Variants in ABCA13 observed in about 807,000 individuals in gnomAD.
ABCA13 encodes ATP-binding cassette sub-family A member 13.
Under a neutral mutation model 478.7 loss-of-function variants are expected in ABCA13, and 476 were observed. The observed-to-expected ratio is 0.99, with a 90% CI of 0.92 to 1.07. ABCA13 has a LOEUF of 1.07. Ranked by LOEUF, ABCA13 falls within the 50% of genes least tolerant of loss-of-function variation. The probability of loss-of-function intolerance (pLI) is 0.00; values close to 1 mark genes in which losing one functional copy is unlikely to be tolerated. For synonymous variants in ABCA13, 2,252 were observed against 2,158.9 expected (o/e 1.04, Z -1.20); for missense variants, 6,060 against 5,910.6 (o/e 1.03, Z -0.83).
intron 35 of ABCA13, among the ~76,000 whole-genome samples, chr7:48,379,630 C>T (rs1246817410): frequency 6.6e-6 from 1 of 150,572 alleles, no homozygotes; most frequent in Non-Finnish European, 1.5e-5. Flanking sequence ...CCATTTGGCA[C>T]TAAAAGGAAA....
intron 58 of ABCA13, among the ~76,000 whole-genome samples, chr7:48,609,964 T>C (rs1230434193): frequency 6.6e-6 from 1 of 152,152 alleles, no homozygotes; most frequent in Non-Finnish European, 1.5e-5. Flanking sequence ...CAAATCTAAA[T>C]CATATTATTT....
At chr7:48,578,180 A>C (rs1276963273) in intron 55 of ABCA13, among the ~76,000 whole-genome samples, 1 of 152,162 alleles carries the variant, frequency 6.6e-6, no homozygotes, top group Admixed American at 6.5e-5. Context: ...CTCTCTCTCC[A>C]TTCTTACCTC....
chr7:48,222,232 G>T (rs1022282423), intron 5 of ABCA13, among the ~76,000 whole-genome samples: 2 of 151,996 alleles, frequency 1.3e-5, no homozygotes, highest in African/African-American at 4.8e-5. Flanking sequence ...GAAAATATGG[G>T]ACACACACTC....
intron 55 of ABCA13, among the ~76,000 whole-genome samples, chr7:48,560,670 C>T (rs1344648164): frequency 6.6e-6 from 1 of 152,112 alleles, no homozygotes; most frequent in African/African-American, 2.4e-5. Flanking sequence ...TTAGCATACC[C>T]ATTACTTCAA....
At chr7:48,268,905 T>A in intron 15 of ABCA13, 75 bp from the exon 16 acceptor site, 1 of 596,216 alleles carries the variant, frequency 1.7e-6, no homozygotes. Context: ...TGAACTACTC[T>A]AGCATTTTTC....
chr7:48,475,268 G>A (rs969149973), intron 45 of ABCA13, among the ~76,000 whole-genome samples: 26 of 152,114 alleles, frequency 1.7e-4, no homozygotes, highest in Admixed American at 1.6e-3. Flanking sequence ...ACTCTTTGGG[G>A]TTGTCTCAAA....
rs557002374 is a variant in ABCA13 at position 48,507,765 on chromosome 7, A to T, written c.13347-107A>T. On this transcript the variant is annotated intron_variant, in intron 49 of 61. Coordinates refer to ENST00000435803, the MANE Select transcript of ABCA13 (RefSeq NM_152701.5). ...AGCCAACATGCCTGGCTGATTATGA[A>T]TTTTTAATTAGCAGTTTTCACTGCT... 8 of 1,315,912 alleles carry T rather than the reference A, an allele frequency of 6.1e-6. No individual in the cohort carries two copies. In the South Asian group the frequency reaches 1.2e-4, roughly 21 times the overall value. The allele number at this position is 1,315,912 out of a possible 1,614,324, so 81.5% of individuals were successfully genotyped here.
chr7:48,227,683 A>T (rs1788434770), intron 6 of ABCA13, among the ~76,000 whole-genome samples: 1 of 152,164 alleles, frequency 6.6e-6, no homozygotes, highest in Non-Finnish European at 1.5e-5. Context: ...AATATTTTGT[A>T]TGTTGTTATA....
intron 35 of ABCA13, among the ~76,000 whole-genome samples, chr7:48,383,059 G>C (rs898404488): frequency 2.0e-5 from 3 of 152,172 alleles, no homozygotes; most frequent in African/African-American, 7.2e-5. Flanking sequence ...AGATGAGCCA[G>C]CATCTCTCCT....
chr7:48,569,291 C>T (rs530905814), intron 55 of ABCA13, among the ~76,000 whole-genome samples: 1 of 152,056 alleles, frequency 6.6e-6, no homozygotes, highest in Admixed American at 6.5e-5. Context: ...AGCTGAATAC[C>T]ATGTTTTGAT....
intron 58 of ABCA13, among the ~76,000 whole-genome samples, chr7:48,602,074 C>A (rs1182234433): frequency 1.3e-5 from 2 of 151,620 alleles, no homozygotes; most frequent in African/African-American, 4.8e-5. Context: ...GGGGTTGTTT[C>A]TTTTTTTCTT....
At chr7:48,527,744 T>C (rs771189714) in intron 54 of ABCA13, among the ~76,000 whole-genome samples, 6 of 152,032 alleles carry the variant, frequency 3.9e-5, no homozygotes, top group Non-Finnish European at 8.8e-5. Context: ...AAAAAGAAGA[T>C]ATATAAGAAA....
At chr7:48,248,569 T>G (rs1792053405) in intron 14 of ABCA13, 125 bp downstream of exon 14, 3 of 834,628 alleles carry the variant, frequency 3.6e-6, no homozygotes, top group Non-Finnish European at 5.2e-6. Flanking sequence ...AGGTTCAATT[T>G]ATTTTAAAAA....
At chr7:48,463,967 G>A (rs892241557) in intron 43 of ABCA13, among the ~76,000 whole-genome samples, 14 of 152,146 alleles carry the variant, frequency 9.2e-5, no homozygotes, top group Non-Finnish European at 5.9e-5. Flanking sequence ...AACCACTGGG[G>A]GGACTTGTTA....
chr7:48,642,040 A>G (rs942042632), intron 59 of ABCA13, among the ~76,000 whole-genome samples: 4 of 152,154 alleles, frequency 2.6e-5, no homozygotes, highest in African/African-American at 9.7e-5. Flanking sequence ...TTTTATGTAT[A>G]TTTTGTCAGT....
chr7:48,533,174 C>T (rs1042119939), intron 55 of ABCA13, among the ~76,000 whole-genome samples: 14 of 151,996 alleles, frequency 9.2e-5, no homozygotes, highest in African/African-American at 3.4e-4. Context: ...TGCTGTATCC[C>T]AGAGGTTTTG....
At chr7:48,623,045 C>G (rs971284713) in intron 59 of ABCA13, among the ~76,000 whole-genome samples, 4 of 152,168 alleles carry the variant, frequency 2.6e-5, no homozygotes, top group Non-Finnish European at 5.9e-5. Flanking sequence ...CAGTCTGACT[C>G]CAAGCTTGCA....
At chr7:48,217,182 G>A (rs1387346514) in intron 3 of ABCA13, among the ~76,000 whole-genome samples, 1 of 152,156 alleles carries the variant, frequency 6.6e-6, no homozygotes, top group African/African-American at 2.4e-5. Flanking sequence ...AAGTTATGGA[G>A]TTGACCTAGT....
chr7:48,195,751 T>G (rs535854706), intron 2 of ABCA13, among the ~76,000 whole-genome samples: 2 of 151,904 alleles, frequency 1.3e-5, no homozygotes, highest in East Asian at 1.9e-4. Flanking sequence ...AAGGGACAAG[T>G]AGAGGAGACA....
Sources: allele counts gnomAD v4.1 joint callset (sites outside exome capture counted in the v4.1 genomes callset), GRCh38; gene constraint gnomAD v4.1.1; transcripts MANE v1.5; gene names NCBI Gene and HGNC (gene_info 2026-07-23, HGNC 2026-07-21).